The following SDCCAG8 variants were observed in gnomAD, a reference collection of about 807,000 sequenced individuals.
SDCCAG8 encodes serologically defined colon cancer antigen 8.
Under a neutral mutation model 101.8 loss-of-function variants are expected in SDCCAG8, and 74 were observed. The ratio of observed to expected loss-of-function variants is 0.73; its 90% CI spans 0.60 to 0.88. SDCCAG8 has a LOEUF of 0.88. Among genes scored for constraint, SDCCAG8 ranks in the 40% least tolerant of loss-of-function variants. The probability of loss-of-function intolerance (pLI) is 0.00; values close to 1 mark genes in which losing one functional copy is unlikely to be tolerated. For missense variants in SDCCAG8, 787 were observed against 822.6 expected (o/e 0.96, Z 0.53); for synonymous variants, 281 against 292.9 (o/e 0.96, Z 0.41).
chr1:243,256,374 T>A (rs2066679719), intron 1 of SDCCAG8, 134 bp downstream of exon 1: 4 of 744,474 alleles, frequency 5.4e-6, no homozygotes, highest in Non-Finnish European at 9.8e-6. Context: ...GATGTTGCTG[T>A]GGTCTTGAGG....
intron 16 of SDCCAG8, among the ~76,000 whole-genome samples, chr1:243,445,380 T>C (rs1023395400): frequency 3.9e-5 from 6 of 152,228 alleles, no homozygotes; most frequent in Admixed American, 3.3e-4. Flanking sequence ...AGGTCTAGTG[T>C]TTTCTACTGT....
At chr1:243,290,870 C>T (rs1024829296) in intron 5 of SDCCAG8, among the ~76,000 whole-genome samples, 3 of 152,198 alleles carry the variant, frequency 2.0e-5, no homozygotes, top group African/African-American at 7.2e-5. Flanking sequence ...CTAGCACTCA[C>T]ATTATTAAAT....
intron 12 of SDCCAG8, among the ~76,000 whole-genome samples, chr1:243,358,902 G>T (rs529792926): frequency 2.4e-4 from 36 of 152,312 alleles, no homozygotes; most frequent in African/African-American, 8.4e-4. Flanking sequence ...GAAATGTTTA[G>T]AATGGGCAAA....
intron 17 of SDCCAG8, among the ~76,000 whole-genome samples, chr1:243,498,470 C>T (rs1329913813): frequency 6.6e-6 from 1 of 152,196 alleles, no homozygotes; most frequent in Non-Finnish European, 1.5e-5. Flanking sequence ...GTGAGGCCTC[C>T]TGCCGGAGCC....
chr1:243,282,096 G>A (rs2069107196), intron 4 of SDCCAG8, among the ~76,000 whole-genome samples: 1 of 152,084 alleles, frequency 6.6e-6, no homozygotes, highest in Non-Finnish European at 1.5e-5. Flanking sequence ...CAATTCTCAT[G>A]CCTCAGCCTT....
intron 5 of SDCCAG8, among the ~76,000 whole-genome samples, chr1:243,289,159 G>T (rs769074814): frequency 6.6e-6 from 1 of 151,994 alleles, no homozygotes; most frequent in Non-Finnish European, 1.5e-5. Flanking sequence ...CCCACAACAG[G>T]CCATCTGCAA....
chr1:243,411,375 C>T (rs1481010104), intron 13 of SDCCAG8, among the ~76,000 whole-genome samples: 1 of 152,046 alleles, frequency 6.6e-6, no homozygotes, highest in East Asian at 1.9e-4. Context: ...CCTTAGCTTC[C>T]CAAAGTGCTG....
At chr1:243,256,561 T>C (rs1010059659) in intron 1 of SDCCAG8, among the ~76,000 whole-genome samples, 2 of 152,234 alleles carry the variant, frequency 1.3e-5, no homozygotes, top group African/African-American at 4.8e-5. Flanking sequence ...TGCTATTTAA[T>C]CCAATAAAAG....
At chr1:243,438,532 G>A (rs577599192) in intron 16 of SDCCAG8, among the ~76,000 whole-genome samples, 1 of 152,106 alleles carries the variant, frequency 6.6e-6, no homozygotes, top group Non-Finnish European at 1.5e-5. Context: ...GTGTGTGTGT[G>A]TGTGTGTGTG....
chr1:243,420,826 T>C (rs939547888), intron 15 of SDCCAG8, among the ~76,000 whole-genome samples: 2 of 152,218 alleles, frequency 1.3e-5, no homozygotes, highest in African/African-American at 4.8e-5. Context: ...AACTCATTCA[T>C]GTTAAGTTTT....
At chr1:243,270,834 T>TA (rs1441296225) in intron 2 of SDCCAG8, 144 bp from the exon 3 acceptor site, 22 of 656,780 alleles carry the variant, frequency 3.3e-5, no homozygotes, top group Admixed American at 2.8e-4. Flanking sequence ...TTTTTTTTTT[T>TA]ATGTTGGTCT....
chr1:243,456,989 A>G (rs2083809587), intron 16 of SDCCAG8, among the ~76,000 whole-genome samples: 1 of 152,186 alleles, frequency 6.6e-6, no homozygotes. Flanking sequence ...TCCAAATTCT[A>G]GGGGAGCAGA....
intron 13 of SDCCAG8, among the ~76,000 whole-genome samples, chr1:243,399,028 C>T (rs751540297): frequency 1.3e-5 from 2 of 152,260 alleles, no homozygotes; most frequent in Admixed American, 1.3e-4. Context: ...ACCTACCAGA[C>T]AAGGTTTATG....
chr1:243,290,401 T>C (rs78868737), intron 5 of SDCCAG8, among the ~76,000 whole-genome samples: 6,739 of 152,258 alleles, frequency 0.044, 294 homozygotes, highest in African/African-American at 0.12. Flanking sequence ...CATAAGTTAG[T>C]GATCTGTGGT....
chr1:243,392,552 G>C (rs993144298), intron 13 of SDCCAG8, among the ~76,000 whole-genome samples: 2 of 152,160 alleles, frequency 1.3e-5, no homozygotes, highest in African/African-American at 4.8e-5. Flanking sequence ...AGTTAACAAC[G>C]TTTGGTTTGA....
intron 17 of SDCCAG8, among the ~76,000 whole-genome samples, chr1:243,491,776 C>T (rs374612972): frequency 6.6e-6 from 1 of 152,214 alleles, no homozygotes; most frequent in African/African-American, 2.4e-5. Flanking sequence ...GCCACCCTCT[C>T]TGTTTTCCTG....
chr1:243,267,861 C>G (rs2067754879), intron 1 of SDCCAG8: 1 of 1,146,704 alleles, frequency 8.7e-7, no homozygotes, highest in African/African-American at 1.5e-5. Flanking sequence ...ATTGACTGCA[C>G]TAAGTCCAGT....
chr1:243,432,468 CA>C (rs2081852330), intron 16 of SDCCAG8, among the ~76,000 whole-genome samples: 1 of 152,138 alleles, frequency 6.6e-6, no homozygotes, highest in Non-Finnish European at 1.5e-5. Context: ...AATCTCTTCA[CA>C]ATCTCCCATG....
At chr1:243,385,659 C>T (rs1018869833) in intron 13 of SDCCAG8, among the ~76,000 whole-genome samples, 1 of 152,124 alleles carries the variant, frequency 6.6e-6, no homozygotes, top group Non-Finnish European at 1.5e-5. Context: ...ACAAGTATCA[C>T]CTCGGAGGTT....
Sources: gnomAD v4.1 joint callset for allele counts (sites outside exome capture counted in the v4.1 genomes callset) on GRCh38, gnomAD v4.1.1 for gene constraint, MANE v1.5 for transcripts, NCBI Gene and HGNC (gene_info 2026-07-23, HGNC 2026-07-21) for gene names.